Variants in PIGX observed in about 807,000 individuals in gnomAD.
PIGX encodes GPI alpha-1,4-mannosyltransferase I, stabilizing subunit.
In PIGX, 24 loss-of-function variants were observed where a neutral mutation model predicts 28.7. That is an observed-to-expected ratio of 0.84 (90% CI 0.60 to 1.17). The LOEUF is 1.17. PIGX is among the 50% of genes most tolerant of loss of function. PIGX has a pLI of 0.00. For missense variants in PIGX, 305 were observed against 317.8 expected, an observed-to-expected ratio of 0.96 and a Z score of 0.31; for synonymous variants, 127 against 121.0, an observed-to-expected ratio of 1.05 and a Z score of -0.33.
At chr3:196,728,387 C>T in intron 4 of PIGX, 1 of 588,232 alleles carries the variant, frequency 1.7e-6, no homozygotes, top group Non-Finnish European at 3.0e-6. Flanking sequence ...ACTGCGCTGC[C>T]CCAACTGTCA....
intron 2 of PIGX, chr3:196,721,439 C>CTT (rs569827596): frequency 0.014 from 2,304 of 160,604 alleles, 89 homozygotes; most frequent in Admixed American, 0.09. Flanking sequence ...CTCTCTCTCT[C>CTT]TTTTTTTTTT....
rs746164540 is a variant in PIGX at position 196,722,557 on chromosome 3, G to T, written c.318+1G>T. 1 of 1,612,036 alleles carries T rather than the reference G, an allele frequency of 6.2e-7. No individual in the cohort carries two copies. Among genetic ancestry groups the T allele is most frequent in the Non-Finnish European group, 8.5e-7 (1 of 1,178,684 alleles). ...ATTACGAGAGAGAAACATAACAGAG[G>T]TACAGTTATTAGGGGATTTTTTGGG... is the stretch of plus-strand genomic sequence containing the variant. On this transcript the variant is annotated splice_donor_variant, in intron 3 of 5. Transcript: ENST00000392391. LOFTEE classifies it high-confidence loss of function.
intron 1 of PIGX, chr3:196,712,906 A>G: frequency 1.4e-5 from 15 of 1,044,946 alleles, no homozygotes; most frequent in Admixed American, 5.6e-5. Context: ...AAGTTCTGAG[A>G]AGGAAAGTCA....
chr3:196,717,871 C>G (rs1027594849), intron 2 of PIGX: 1 of 152,034 alleles, frequency 6.6e-6, no homozygotes, highest in Non-Finnish European at 1.5e-5. Flanking sequence ...GAATATTTGC[C>G]CATATTGAAG....
At position 196,734,783 on chromosome 3, in the gene PIGX, C is replaced by G. The variant is rs955953733; in HGVS notation, c.*881C>G. On this transcript the variant is annotated 3_prime_UTR_variant, in exon 6 of 6. Transcript: ENST00000392391. Reference sequence around the variant, plus strand: ...TCTCCTTTTACATTTTATCATGTTTCTTTTGAATATATGAATTGGCAAAGG... The same window carrying G: ...TCTCCTTTTACATTTTATCATGTTTGTTTTGAATATATGAATTGGCAAAGG... 2 of 151,994 alleles carry G rather than the reference C, an allele frequency of 1.3e-5. No individual in the cohort carries two copies. Among genetic ancestry groups the G allele is most frequent in the Admixed American group, 1.3e-4 (2 of 15,250 alleles). 9.4% of individuals were successfully genotyped at this position (151,994 alleles called of 1,614,324 possible).
At chr3:196,725,807 G>T (rs747562879) in intron 3 of PIGX, among the ~76,000 whole-genome samples, 10 of 152,100 alleles carry the variant, frequency 6.6e-5, no homozygotes, top group Non-Finnish European at 1.5e-4. Flanking sequence ...GAAAAACAGA[G>T]AACTTTTACT....
intron 5 of PIGX, among the ~76,000 whole-genome samples, chr3:196,732,271 A>T (rs1479026640): frequency 0.13 from 2,872 of 22,218 alleles, 141 homozygotes; most frequent in African/African-American, 0.19. Flanking sequence ...ATTTTATTTT[A>T]TTTTTTTTTT....
At chr3:196,716,637 AG>A (rs1240204347) in intron 1 of PIGX, among the ~76,000 whole-genome samples, 2 of 152,340 alleles carry the variant, frequency 1.3e-5, no homozygotes, top group East Asian at 3.9e-4. Flanking sequence ...ATTTGAAATC[AG>A]GCAATCTAAC....
intron 2 of PIGX, among the ~76,000 whole-genome samples, chr3:196,720,407 C>T (rs1239876822): frequency 6.6e-6 from 1 of 152,108 alleles, no homozygotes; most frequent in Non-Finnish European, 1.5e-5. Context: ...AGTAATATTC[C>T]ATTGTATGTT....
chr3:196,716,843 G>T lies in PIGX; in HGVS notation c.113-15G>T, dbSNP rs368878971. 3 of 1,466,854 alleles carry T rather than the reference G, an allele frequency of 2.0e-6. No homozygotes were observed. Among genetic ancestry groups the T allele is most frequent in the Non-Finnish European group, 2.8e-6 (3 of 1,079,870 alleles). The allele number at this position is 1,466,854 out of a possible 1,614,324, so 90.9% of individuals were successfully genotyped here. On this transcript the variant is annotated splice_polypyrimidine_tract_variant and intron_variant, in intron 1 of 5. Coordinates refer to ENST00000392391, the MANE Select transcript of PIGX (RefSeq NM_017861.4). ...GTGCTTTTGTTTTTAAAAAAAAATC[G>T]TTTGGTTCTTATAGGCATAAGGGCC...
chr3:196,712,899 T>G (rs1577665422), intron 1 of PIGX: 1 of 1,053,294 alleles, frequency 9.5e-7, no homozygotes, highest in Non-Finnish European at 1.1e-6. Context: ...GTTACTAAAG[T>G]TCTGAGAAGG....
At chr3:196,732,218 A>ATTTATATT (rs1208192634) in intron 5 of PIGX, among the ~76,000 whole-genome samples, 3 of 15,874 alleles carry the variant, frequency 1.9e-4, no homozygotes, top group African/African-American at 1.1e-3. Flanking sequence ...TATATTATTT[A>ATTTATATT]TATATATATA....
At chr3:196,728,414 A>T (rs946122974) in intron 4 of PIGX, 3 of 589,570 alleles carry the variant, frequency 5.1e-6, no homozygotes, top group African/African-American at 3.7e-5. Flanking sequence ...TCCCTCTAAG[A>T]CGAACCCACC....
intron 5 of PIGX, among the ~76,000 whole-genome samples, chr3:196,732,915 A>T (rs1712871355): frequency 6.6e-6 from 1 of 152,202 alleles, no homozygotes. Context: ...GAGCTTTTCC[A>T]TTGCTAGTCA....
intron 3 of PIGX, among the ~76,000 whole-genome samples, chr3:196,726,153 T>C (rs1468569323): frequency 6.6e-6 from 1 of 152,162 alleles, no homozygotes; most frequent in African/African-American, 2.4e-5. Context: ...TAGCCAGGCA[T>C]GGTGGCGTGT....
chr3:196,730,476 G>A (rs774496203), intron 4 of PIGX, among the ~76,000 whole-genome samples: 4 of 151,976 alleles, frequency 2.6e-5, no homozygotes, highest in East Asian at 3.9e-4. Flanking sequence ...TTGGCCAGGC[G>A]TAGTGGCTCA....
intron 1 of PIGX, chr3:196,712,946 C>A: frequency 9.9e-7 from 1 of 1,009,436 alleles, no homozygotes; most frequent in Non-Finnish European, 1.2e-6. Flanking sequence ...TGCTCTTGAG[C>A]TGCACGAAGC....
intron 3 of PIGX, among the ~76,000 whole-genome samples, chr3:196,725,639 A>AT (rs1712489416): frequency 6.6e-6 from 1 of 152,186 alleles, no homozygotes; most frequent in Non-Finnish European, 1.5e-5. Context: ...GTAGCTGAGT[A>AT]TTTATCAGTG....
At position 196,735,294 on chromosome 3, in the gene PIGX, C is replaced by CAAAAAAAAAAAAAAAAAAAAAAA. The variant is rs60317348; in HGVS notation, c.*1400_*1422dup. 4.4e-5 allele frequency: 2 copies of CAAAAAAAAAAAAAAAAAAAAAAA among 45,234 alleles called. No individual in the cohort carries two copies. The highest frequency in any genetic ancestry group is 1.7e-4 in the African/African-American group (2 of 12,008). 2.8% of individuals were successfully genotyped at this position (45,234 alleles called of 1,614,324 possible). ...TGGGCGACAGAGTGAGACTCTGTCT[C>CAAAAAAAAAAAAAAAAAAAAAAA]AAAAAAAAAAAAAAAAAAAAAAAAA... On this transcript the variant is annotated 3_prime_UTR_variant, in exon 6 of 6. Transcript: ENST00000392391.
Sources: gnomAD v4.1 joint callset for allele counts (sites outside exome capture counted in the v4.1 genomes callset) on GRCh38, gnomAD v4.1.1 for gene constraint, MANE v1.5 for transcripts, NCBI Gene and HGNC (gene_info 2026-07-23, HGNC 2026-07-21) for gene names.